GARIN1A: variants seen among roughly 807,000 people sequenced by gnomAD.
GARIN1A encodes the protein golgi associated RAB2 interactor 1A, also known as Golgi-associated RAB2 interactor protein 1A.
chr7:128,677,794 C>T, the GARIN1A span: 1 of 1,613,590 alleles, frequency 6.2e-7, no homozygotes, highest in Non-Finnish European at 8.5e-7. Context: ...AAGATGCCCA[C>T]CAACTCCACA....
the GARIN1A span, chr7:128,675,951 G>A: frequency 1.2e-6 from 1 of 859,292 alleles, no homozygotes; most frequent in Non-Finnish European, 1.9e-6. Context: ...AGAAAAGATA[G>A]CGTTCTTTAG....
At chr7:128,707,093 A>G in the GARIN1A span, among the ~76,000 whole-genome samples, 2 of 151,976 alleles carry the variant, frequency 1.3e-5, no homozygotes, top group African/African-American at 2.4e-5. Context: ...TTTAATGTAT[A>G]CAACTTGATG....
At chr7:128,675,908 A>G in the GARIN1A span, 13 of 1,349,376 alleles carry the variant, frequency 9.6e-6, no homozygotes, top group Admixed American at 6.8e-5. Flanking sequence ...TGACTGGGAT[A>G]TGCATTGCTT....
chr7:128,700,211 G>T, the GARIN1A span, among the ~76,000 whole-genome samples: 1 of 150,662 alleles, frequency 6.6e-6, no homozygotes, highest in Admixed American at 6.6e-5. Context: ...TATATAATTT[G>T]TAATCTTCAA....
At chr7:128,681,881 A>AAC in the GARIN1A span, among the ~76,000 whole-genome samples, 1 of 127,142 alleles carries the variant, frequency 7.9e-6, no homozygotes, top group Admixed American at 8.0e-5. Context: ...GCCACACTGC[A>AAC]CCCCCCCCCA....
chr7:128,676,329 A>G, the GARIN1A span, among the ~76,000 whole-genome samples: 3 of 151,794 alleles, frequency 2.0e-5, no homozygotes, highest in Non-Finnish European at 1.5e-5. Context: ...TAGTATCTAT[A>G]TTTACCAAGC....
the GARIN1A span, among the ~76,000 whole-genome samples, chr7:128,703,177 A>G: frequency 6.6e-6 from 1 of 152,244 alleles, no homozygotes; most frequent in African/African-American, 2.4e-5. Context: ...TGTAAACAAC[A>G]CTATCAAACA....
chr7:128,673,005 AGGAT>A, the GARIN1A span, among the ~76,000 whole-genome samples: 1 of 152,214 alleles, frequency 6.6e-6, no homozygotes, highest in Non-Finnish European at 1.5e-5. Flanking sequence ...ATTCCCTAAA[AGGAT>A]GGTGGTGACA....
chr7:128,673,452 A>AT, the GARIN1A span, among the ~76,000 whole-genome samples: 40 of 152,278 alleles, frequency 2.6e-4, no homozygotes, highest in African/African-American at 9.4e-4. Flanking sequence ...GACTGCTGAG[A>AT]TTTTGGTAAG....
the GARIN1A span, chr7:128,683,118 C>T: frequency 6.2e-7 from 1 of 1,612,592 alleles, no homozygotes. Context: ...TCTACAAGTT[C>T]ATATAGCCAG....
the GARIN1A span, among the ~76,000 whole-genome samples, chr7:128,705,013 ACAATATGGAGC>A: frequency 1.3e-5 from 2 of 152,214 alleles, no homozygotes; most frequent in African/African-American, 4.8e-5. Flanking sequence ...ATGGAATCCT[ACAATATGGAGC>A]TTTCTGTCTT....
the GARIN1A span, among the ~76,000 whole-genome samples, chr7:128,673,556 G>C: frequency 6.6e-6 from 1 of 152,202 alleles, no homozygotes; most frequent in Non-Finnish European, 1.5e-5. Flanking sequence ...GCAAGACACA[G>C]ACCCATTCAA....
the GARIN1A span, among the ~76,000 whole-genome samples, chr7:128,692,223 C>T: frequency 1.4e-4 from 21 of 152,154 alleles, no homozygotes; most frequent in African/African-American, 4.6e-4. Context: ...CGTAGGGAAA[C>T]GTGCCAGCCA....
the GARIN1A span, among the ~76,000 whole-genome samples, chr7:128,700,204 A>G: frequency 1.2e-4 from 18 of 151,488 alleles, no homozygotes; most frequent in Admixed American, 5.9e-4. Context: ...TTGTAGTTAT[A>G]TAATTTGTAA....
At chr7:128,704,837 T>G in the GARIN1A span, among the ~76,000 whole-genome samples, 3 of 152,182 alleles carry the variant, frequency 2.0e-5, no homozygotes, top group African/African-American at 7.2e-5. Context: ...GCCTGGGGGC[T>G]GGGGACCCCT....
the GARIN1A span, chr7:128,672,647 GGA>G: frequency 1.2e-6 from 1 of 841,490 alleles, no homozygotes; most frequent in Non-Finnish European, 1.8e-6. Flanking sequence ...AAGCCCTGGG[GGA>G]GGGGGGGGCG....
At chr7:128,701,673 G>A in the GARIN1A span, among the ~76,000 whole-genome samples, 4 of 152,120 alleles carry the variant, frequency 2.6e-5, no homozygotes, top group South Asian at 8.3e-4. Flanking sequence ...GGACAAAGCA[G>A]GTGACTAAAA....
chr7:128,677,564 G>C, the GARIN1A span: 2 of 1,598,424 alleles, frequency 1.3e-6, no homozygotes, highest in Admixed American at 1.7e-5. Context: ...TTATGTCCAG[G>C]CTTCTCCCCC....
At chr7:128,688,698 T>C in the GARIN1A span, among the ~76,000 whole-genome samples, 2 of 151,392 alleles carry the variant, frequency 1.3e-5, no homozygotes, top group East Asian at 2.0e-4. Flanking sequence ...CTGAGTACCA[T>C]TCCTACTCCT....
Sources: gnomAD v4.1 joint callset for allele counts (sites outside exome capture counted in the v4.1 genomes callset) on GRCh38, gnomAD v4.1.1 for gene constraint, MANE v1.5 for transcripts, NCBI Gene and HGNC (gene_info 2026-07-23, HGNC 2026-07-21) for gene names.